The following DIAPH2 variants were observed in gnomAD, a reference collection of about 807,000 sequenced individuals.
DIAPH2 encodes the protein protein diaphanous homolog 2.
Under a neutral mutation model 92.7 loss-of-function variants are expected in DIAPH2, and 35 were observed. That is an observed-to-expected ratio of 0.38 (90% CI 0.29 to 0.50). The LOEUF (loss-of-function observed/expected upper bound fraction) is 0.50. Among genes scored for constraint, DIAPH2 ranks in the 20% least tolerant of loss-of-function variants. DIAPH2 has a pLI of 0.94. For missense variants in DIAPH2, 701 were observed against 819.5 expected (o/e 0.86, Z 1.77); for synonymous variants, 301 against 280.4 (o/e 1.07, Z -0.73).
chrX:96,902,720 G>A (rs2065406593), intron 5 of DIAPH2, among the ~76,000 whole-genome samples: 1 of 111,234 alleles, frequency 9.0e-6, no homozygotes, highest in Non-Finnish European at 1.9e-5. Flanking sequence ...GGTTAAGAAT[G>A]TATGTATGTG....
chrX:96,948,551 T>A (rs1451145535), intron 14 of DIAPH2, among the ~76,000 whole-genome samples: 1 of 112,056 alleles, frequency 8.9e-6, no homozygotes, highest in East Asian at 2.8e-4. Flanking sequence ...CCAGCCTGGG[T>A]GACACGAGTG....
chrX:97,494,900 A>T (rs561313176), intron 26 of DIAPH2, among the ~76,000 whole-genome samples: 3 of 112,457 alleles, frequency 2.7e-5, no homozygotes, highest in South Asian at 7.3e-4. Context: ...CCTTCTCTCA[A>T]TCTTGTAGAG....
chrX:97,090,385 C>T (rs2066816331), intron 19 of DIAPH2, among the ~76,000 whole-genome samples: 2 of 92,364 alleles, frequency 2.2e-5, no homozygotes, highest in Admixed American at 2.7e-4. Flanking sequence ...CCCTAGGAAA[C>T]CCCCAGGCCA....
intron 22 of DIAPH2, among the ~76,000 whole-genome samples, chrX:97,203,015 C>G (rs765910872): frequency 2.7e-5 from 3 of 112,256 alleles, no homozygotes; most frequent in Non-Finnish European, 5.6e-5. Flanking sequence ...GATTAAGAAA[C>G]TCACTCAAAG....
chrX:96,837,181 T>A (rs1396240723), intron 4 of DIAPH2, among the ~76,000 whole-genome samples: 4 of 111,163 alleles, frequency 3.6e-5, no homozygotes, highest in African/African-American at 1.3e-4. Context: ...TTTTTAAAAA[T>A]CATTTAATTA....
chrX:97,076,142 T>C (rs1230369817), intron 19 of DIAPH2, among the ~76,000 whole-genome samples: 1 of 112,488 alleles, frequency 8.9e-6, no homozygotes, highest in Non-Finnish European at 1.9e-5. Flanking sequence ...ACTGTAAAGA[T>C]TTCTGTGGAA....
At chrX:97,433,919 G>C (rs1294678738) in intron 26 of DIAPH2, among the ~76,000 whole-genome samples, 1 of 111,688 alleles carries the variant, frequency 9.0e-6, no homozygotes, top group Non-Finnish European at 1.9e-5. Flanking sequence ...TGCATTATCA[G>C]ATATATCAGA....
intron 22 of DIAPH2, among the ~76,000 whole-genome samples, chrX:97,155,082 A>T (rs984135219): frequency 8.9e-6 from 1 of 112,433 alleles, no homozygotes; most frequent in East Asian, 2.8e-4. Context: ...GGTTAAAAAA[A>T]TCAAACTATA....
intron 17 of DIAPH2, among the ~76,000 whole-genome samples, chrX:97,011,736 A>G (rs181423646): frequency 1.3e-3 from 146 of 108,166 alleles, no homozygotes; most frequent in African/African-American, 4.8e-3. Flanking sequence ...ACTAAACACA[A>G]AAAAAATTAG....
intron 26 of DIAPH2, among the ~76,000 whole-genome samples, chrX:97,470,825 A>T (rs2070556354): frequency 9.0e-6 from 1 of 110,762 alleles, no homozygotes; most frequent in African/African-American, 3.3e-5. Context: ...TATGCACAAA[A>T]GAGGTATGGT....
At chrX:96,822,826 A>G (rs2064787578) in intron 4 of DIAPH2, among the ~76,000 whole-genome samples, 1 of 112,604 alleles carries the variant, frequency 8.9e-6, no homozygotes, top group South Asian at 3.6e-4. Flanking sequence ...ATTTTAGACA[A>G]TTTTGATAAT....
intron 20 of DIAPH2, among the ~76,000 whole-genome samples, chrX:97,101,128 G>A (rs960380369): frequency 1.3e-4 from 15 of 111,806 alleles, no homozygotes; most frequent in Middle Eastern, 4.6e-3. Context: ...GTCCACACTT[G>A]AAGCCTAAGC....
chrX:96,834,135 T>C (rs2147692706), intron 4 of DIAPH2, among the ~76,000 whole-genome samples: 1 of 112,082 alleles, frequency 8.9e-6, no homozygotes, highest in South Asian at 3.7e-4. Flanking sequence ...ATTTAGACTA[T>C]GCTACTCACC....
chrX:96,814,705 G>C, intron 4 of DIAPH2, among the ~76,000 whole-genome samples: 1 of 111,743 alleles, frequency 8.9e-6, no homozygotes, highest in Non-Finnish European at 1.9e-5. Flanking sequence ...CTCCAGATGG[G>C]GTTTTGGTGT....
chrX:96,702,264 C>T (rs2063859656), intron 1 of DIAPH2, among the ~76,000 whole-genome samples: 1 of 111,862 alleles, frequency 8.9e-6, no homozygotes, highest in African/African-American at 3.3e-5. Context: ...ATGATTTGGG[C>T]AAGCTCCTCA....
At chrX:96,907,095 T>C (rs911214871) in intron 5 of DIAPH2, among the ~76,000 whole-genome samples, 2 of 112,161 alleles carry the variant, frequency 1.8e-5, no homozygotes, top group African/African-American at 6.5e-5. Context: ...AGGTAACTTA[T>C]AACACAAAAT....
At chrX:97,539,448 A>G (rs1355499166) in intron 26 of DIAPH2, among the ~76,000 whole-genome samples, 1 of 112,060 alleles carries the variant, frequency 8.9e-6, no homozygotes, top group Non-Finnish European at 1.9e-5. Flanking sequence ...TTCTAGAAGA[A>G]ATTGAAGGTT....
chrX:97,531,435 G>C (rs1168673987), intron 26 of DIAPH2, among the ~76,000 whole-genome samples: 1 of 112,042 alleles, frequency 8.9e-6, no homozygotes, highest in African/African-American at 3.2e-5. Flanking sequence ...TCATAAATCT[G>C]AGATATTTAG....
intron 22 of DIAPH2, among the ~76,000 whole-genome samples, chrX:97,156,743 A>G (rs1263814921): frequency 8.9e-6 from 1 of 111,928 alleles, no homozygotes; most frequent in Admixed American, 9.5e-5. Context: ...GCAGATATCC[A>G]CCTATACAAT....
Sources: allele counts gnomAD v4.1 joint callset (sites outside exome capture counted in the v4.1 genomes callset), GRCh38; gene constraint gnomAD v4.1.1; transcripts MANE v1.5; gene names NCBI Gene and HGNC (gene_info 2026-07-23, HGNC 2026-07-21).